SLC38A11: variants seen among roughly 807,000 people sequenced by gnomAD.
The protein encoded by SLC38A11 is solute carrier family 38 member 11, also known as putative sodium-coupled neutral amino acid transporter 11.
A neutral mutation model predicts 49.4 loss-of-function variants in SLC38A11; 51 were observed. The ratio of observed to expected loss-of-function variants is 1.03; its 90% CI spans 0.83 to 1.30. SLC38A11 has a LOEUF of 1.30. Among genes scored for constraint, SLC38A11 ranks in the 50% most tolerant of loss-of-function variants. SLC38A11 has a pLI of 0.00. For synonymous variants in SLC38A11, 203 were observed against 192.9 expected (o/e 1.05, Z -0.43); for missense variants, 574 against 556.2 (o/e 1.03, Z -0.32).
At chr2:164,911,786 C>G (rs751832488) in intron 9 of SLC38A11, 38 bp from the exon 10 acceptor site, 1 of 1,192,160 alleles carries the variant, frequency 8.4e-7, no homozygotes, top group Admixed American at 2.2e-5. Context: ...TTACTAGATA[C>G]TAAATGTTTG....
intron 5 of SLC38A11, among the ~76,000 whole-genome samples, chr2:164,941,208 T>A (rs1038656167): frequency 6.6e-5 from 10 of 152,112 alleles, no homozygotes; most frequent in Admixed American, 2.6e-4. Context: ...AGGTGAAAAT[T>A]GAAATTTTTG....
chr2:164,937,849 T>A (rs1687479461), intron 6 of SLC38A11, among the ~76,000 whole-genome samples: 1 of 152,112 alleles, frequency 6.6e-6, no homozygotes, highest in Non-Finnish European at 1.5e-5. Context: ...CTTACTCTCT[T>A]CCTTCCAACA....
rs1414013301 is a variant in SLC38A11 at position 164,955,256 on chromosome 2, G to A, written c.-9C>T. ...TGCCTCTGGTAGCCCATGGCTGAGC[G>A]GTGGTCCTCAGCAGGTGGAAGATGC... On this transcript the variant is annotated 5_prime_UTR_variant, in exon 1 of 12. Coordinates refer to ENST00000685975, the MANE Select transcript of SLC38A11 (RefSeq NM_001351537.2). 3.2e-6 allele frequency: 5 copies of A among 1,550,280 alleles called. No homozygotes were observed. Among genetic ancestry groups the A allele is most frequent in the African/African-American group, 1.4e-5 (1 of 73,020 alleles).
At chr2:164,915,740 G>T in intron 8 of SLC38A11, 163 bp downstream of exon 8, 1 of 569,700 alleles carries the variant, frequency 1.8e-6, no homozygotes, top group Non-Finnish European at 3.2e-6. Flanking sequence ...AGTGAGAAAA[G>T]TTTGAGCCTA....
intron 7 of SLC38A11, among the ~76,000 whole-genome samples, chr2:164,923,007 T>C (rs750601075): frequency 4.6e-5 from 7 of 152,308 alleles, no homozygotes; most frequent in Non-Finnish European, 1.0e-4. Context: ...GGTGCTGAGA[T>C]AACTGGCTAA....
chr2:164,911,738 A>G lies in SLC38A11; in HGVS notation c.861T>C (p.Phe287=). Residue 287 remains phenylalanine (F), a synonymous_variant, in exon 10 of 12, where the codon TTT becomes TTC. Coordinates refer to ENST00000685975, the MANE Select transcript of SLC38A11 (RefSeq NM_001351537.2). ...GGTCATCATTTCTGCAGTAATTTTC[A>G]AATAAGTCCCCTAGATAGTAATATA... The part of the protein sequence containing the change: ...TFTGFTQGDL[F]ENYCRNDDLV... 3.1e-6 allele frequency: 5 copies of G among 1,589,780 alleles called. No homozygotes were observed. The highest frequency in any genetic ancestry group is 3.4e-6 in the Non-Finnish European group (4 of 1,163,220).
At position 164,915,977 on chromosome 2, in the gene SLC38A11, G is replaced by A; in HGVS notation, c.618-4C>T. On this transcript the variant is annotated splice_region_variant and splice_polypyrimidine_tract_variant and intron_variant, in intron 7 of 11. Coordinates refer to ENST00000685975, the MANE Select transcript of SLC38A11 (RefSeq NM_001351537.2). ...CCAAGCGTCTTCTGTTTTTGGTCTA[G>A]AAGAAAAATCAGTTAACTTGATAAA... The A allele has an allele frequency of 6.3e-7, 1 of 1,581,798 alleles. No individual in the cohort carries two copies. Among genetic ancestry groups the A allele is most frequent in the Non-Finnish European group, 8.7e-7 (1 of 1,155,674 alleles).
chr2:164,898,510 A>T lies in SLC38A11; in HGVS notation c.1316T>A (p.Leu439His). The T allele has an allele frequency of 6.2e-7, 1 of 1,613,476 alleles. No homozygotes were observed. The highest frequency in any genetic ancestry group is 1.1e-5 in the South Asian group (1 of 91,070). The change falls in exon 12 of 12, where the codon CTC becomes CAC. Residue 439 changes from leucine to histidine, a missense_variant. By Grantham distance (99) the Leu-to-His change is moderately conservative. Transcript: ENST00000685975. ...AACATGAGACTCTGAGGTATTTGTG[A>T]GAGAGAAATTGTCAGGAAAGCAGTA... ...MFYCFPDNFSLTNTSESHVQQ... is the reference protein window; with the variant it reads ...MFYCFPDNFSHTNTSESHVQQ...
rs75211832 is a variant in SLC38A11, at chr2:164,933,346, A to C, written c.617+4004T>G. 1.6e-3 allele frequency among the ~76,000 whole-genome samples: 242 copies of C among 152,192 alleles called. 12 individuals are homozygous for C. The East Asian group carries it at 0.036, about 22-fold the overall frequency. On this transcript the variant is annotated intron_variant, in intron 7 of 11. Transcript: ENST00000685975. ...TAGCACACTTTCTGAAAAGCAATTA[A>C]ATTTCCTTGCCACCTCAGTTTTTAG...
intron 7 of SLC38A11, among the ~76,000 whole-genome samples, chr2:164,918,197 T>TAAATGTTGAAATATGAAATC (rs1685936551): frequency 6.6e-6 from 1 of 152,084 alleles, no homozygotes; most frequent in African/African-American, 2.4e-5. Context: ...CTTTAAACTG[T>TAAATGTTGAAATATGAAATC]AAATGCTGAA....
intron 4 of SLC38A11, 68 bp from the exon 5 acceptor site, chr2:164,944,702 G>T: frequency 1.7e-6 from 1 of 596,060 alleles, no homozygotes; most frequent in Non-Finnish European, 2.6e-6. Context: ...TATTTTGAAA[G>T]CAATCAGTTA....
Position 164,898,633 on chromosome 2 carries a change from G to A in SLC38A11, c.1193C>T (p.Ser398Phe), listed in dbSNP as rs1334654699. ...EPRTHSDKIM[S>F]CVMLPIGAVV... is the part of the protein sequence containing the mutation. ...AGCACCAATGGGAAGCATGACACAA[G>A]ACATAATCTTATCGGAGTGTGTCCT... The change falls in exon 12 of 12, where the codon TCT (serine) becomes TTT (phenylalanine). Residue 398 changes from serine (S) to phenylalanine (F), a missense_variant. Transcript: ENST00000685975. 6.2e-7 allele frequency: 1 copy of A among 1,613,518 alleles called. No individual in the cohort carries two copies. Among genetic ancestry groups the A allele is most frequent in the East Asian group, 2.2e-5 (1 of 44,818 alleles).
At chr2:164,924,554 A>C (rs1282529182) in intron 7 of SLC38A11, among the ~76,000 whole-genome samples, 3 of 152,176 alleles carry the variant, frequency 2.0e-5, no homozygotes, top group Non-Finnish European at 4.4e-5. Flanking sequence ...GTTCCTGTAC[A>C]TCCTGTAAGA....
chr2:164,954,713 A>G lies in SLC38A11; in HGVS notation c.72T>C (p.Ser24=). 2.0e-6 allele frequency: 3 copies of G among 1,537,882 alleles called. No individual in the cohort carries two copies. Among genetic ancestry groups the G allele is most frequent in the Non-Finnish European group, 2.6e-6 (3 of 1,139,978 alleles). The change falls in exon 2 of 12, where the codon TCT becomes TCC. Residue 24 remains serine, a synonymous_variant. Transcript: ENST00000685975. Reference sequence around the variant, plus strand: ...AGGTTTTCTCTTTATACTCATGTTCAGAAACAAGGGTTTCTCTGTCATCTA... The same window carrying G: ...AGGTTTTCTCTTTATACTCATGTTCGGAAACAAGGGTTTCTCTGTCATCTA... ...RDLDDRETLV[S]EHEYKEKTCQ...
chr2:164,950,793 C>T (rs922075139), intron 3 of SLC38A11, among the ~76,000 whole-genome samples: 14 of 152,084 alleles, frequency 9.2e-5, no homozygotes, highest in African/African-American at 3.4e-4. Flanking sequence ...GAACATACCT[C>T]ATTAGTGGCC....
At chr2:164,950,655 A>C (rs1481486389) in intron 3 of SLC38A11, among the ~76,000 whole-genome samples, 1 of 152,190 alleles carries the variant, frequency 6.6e-6, no homozygotes, top group African/African-American at 2.4e-5. Flanking sequence ...AAATTATTTT[A>C]TGTTAATCAA....
At chr2:164,915,881 G>A in intron 8 of SLC38A11, 22 bp downstream of exon 8, 1 of 1,570,202 alleles carries the variant, frequency 6.4e-7, no homozygotes, top group South Asian at 1.2e-5. Flanking sequence ...TTGAGAAAGG[G>A]CCTTTGAAAC....
intron 11 of SLC38A11, among the ~76,000 whole-genome samples, chr2:164,905,452 G>A (rs1282603187): frequency 6.6e-6 from 1 of 151,986 alleles, no homozygotes. Context: ...TTATGAAGTA[G>A]AACACAGCAT....
intron 5 of SLC38A11, 149 bp from the exon 6 acceptor site, chr2:164,939,705 CAT>C: frequency 2.3e-6 from 1 of 442,058 alleles, no homozygotes; most frequent in Non-Finnish European, 4.0e-6. Flanking sequence ...TCCATAAAAA[CAT>C]ATAAACATAA....
Sources: allele counts gnomAD v4.1 joint callset (sites outside exome capture counted in the v4.1 genomes callset), GRCh38; gene constraint gnomAD v4.1.1; transcripts MANE v1.5; gene names NCBI Gene and HGNC (gene_info 2026-07-23, HGNC 2026-07-21).